PDE7B: variants seen among roughly 807,000 people sequenced by gnomAD.
PDE7B encodes the protein phosphodiesterase 7B, also known as 3',5'-cyclic-AMP phosphodiesterase 7B.
A neutral mutation model predicts 56.2 loss-of-function variants in PDE7B; 29 were observed. The observed-to-expected ratio is 0.52, with a 90% CI of 0.38 to 0.70. PDE7B has a LOEUF of 0.70. Among genes scored for constraint, PDE7B ranks in the 30% least tolerant of loss-of-function variants. PDE7B has a pLI of 0.00. For missense variants in PDE7B, 490 were observed against 565.0 expected, an observed-to-expected ratio of 0.87 and a Z score of 1.35; for synonymous variants, 197 against 196.9, an observed-to-expected ratio of 1.00 and a Z score of 0.00.
intron 2 of PDE7B, among the ~76,000 whole-genome samples, chr6:135,975,590 G>A (rs1219457870): frequency 6.9e-6 from 1 of 144,166 alleles, no homozygotes; most frequent in Non-Finnish European, 1.5e-5. Flanking sequence ...GCCTTGTAGA[G>A]CACTGCAGGG....
At chr6:135,953,482 G>A (rs1044839542) in intron 2 of PDE7B, among the ~76,000 whole-genome samples, 24 of 152,122 alleles carry the variant, frequency 1.6e-4, no homozygotes, top group Admixed American at 4.6e-4. Flanking sequence ...TGAATAATAA[G>A]CAATAATAAC....
In PDE7B at chr6:136,049,480, G is replaced by T. The variant is rs543993595; in HGVS notation, c.83-59251G>T. 8.6e-5 allele frequency: 13 copies of T among 151,990 alleles called. No homozygotes were observed. The East Asian group carries it at 1.2e-3, about 14-fold the overall frequency. The allele number at this position is 151,990 out of a possible 1,614,324, so 9.4% of individuals were successfully genotyped here. On this transcript the variant is annotated intron_variant, in intron 2 of 12. Coordinates refer to ENST00000308191, the MANE Select transcript of PDE7B (RefSeq NM_018945.4). ...TGAGAAAACATATAAGAAAAATATG[G>T]TTTTTTATGTATCTTATAATGTAGT...
intron 2 of PDE7B, among the ~76,000 whole-genome samples, chr6:136,011,297 G>T (rs989703321): frequency 6.6e-5 from 10 of 152,074 alleles, no homozygotes; most frequent in Admixed American, 6.5e-4. Flanking sequence ...AATACTCAAA[G>T]GTTCCCAAGA....
At chr6:136,184,094 C>CA (rs1393465102) in intron 11 of PDE7B, among the ~76,000 whole-genome samples, 1 of 152,136 alleles carries the variant, frequency 6.6e-6, no homozygotes, top group African/African-American at 2.4e-5. Flanking sequence ...TAATCCTCAA[C>CA]AAAACTGATT....
At chr6:135,901,539 G>T (rs898856678) in intron 1 of PDE7B, among the ~76,000 whole-genome samples, 2 of 151,970 alleles carry the variant, frequency 1.3e-5, no homozygotes, top group African/African-American at 2.4e-5. Flanking sequence ...ATGGAATTGG[G>T]GTACTCTCTT....
chr6:136,070,246 A>G (rs994988917), intron 2 of PDE7B: 3 of 152,304 alleles, frequency 2.0e-5, no homozygotes, highest in Admixed American at 2.0e-4. Context: ...CAACAGGAAC[A>G]GTGTAATTAA....
chr6:136,110,651 G>A (rs1236213548), intron 3 of PDE7B, among the ~76,000 whole-genome samples: 1 of 150,842 alleles, frequency 6.6e-6, no homozygotes, highest in Non-Finnish European at 1.5e-5. Flanking sequence ...TGCTAATGGT[G>A]GTTATGTTTG....
At chr6:135,987,269 AG>A (rs1416268056) in intron 2 of PDE7B, among the ~76,000 whole-genome samples, 2 of 152,124 alleles carry the variant, frequency 1.3e-5, no homozygotes, top group South Asian at 2.1e-4. Flanking sequence ...TCAGAGTCAC[AG>A]GGAATGTCTC....
chr6:135,969,105 C>T (rs11154837), intron 2 of PDE7B, among the ~76,000 whole-genome samples: 2,286 of 152,044 alleles, frequency 0.015, 22 homozygotes, highest in Non-Finnish European at 0.023. Context: ...ATGGACACAT[C>T]GAGGGGAACA....
intron 2 of PDE7B, chr6:136,037,971 A>AAAAAAATGC (rs1217408814): frequency 4.1e-5 from 50 of 1,222,476 alleles, no homozygotes; most frequent in Admixed American, 8.5e-5. Flanking sequence ...GAGGAGGGGA[A>AAAAAAATGC]AAAAAATGCA....
Position 136,173,812 on chromosome 6 carries a change from G to C in PDE7B, c.727G>C (p.Glu243Gln). 6.2e-7 allele frequency: 1 copy of C among 1,607,678 alleles called. No individual in the cohort carries two copies. The highest frequency in any genetic ancestry group is 8.5e-7 in the Non-Finnish European group (1 of 1,174,510). ...TTCTTTCTAGAATATGTCTGTGCTG[G>C]AGAATCATCACTGGCGATCTACAAT... ...ANLYQNMSVL[E>Q]NHHWRSTIGM... The change falls in exon 9 of 13, where the codon GAG becomes CAG. Residue 243 changes from glutamate to glutamine, a missense_variant. By Grantham distance (29) the Glu-to-Gln change is conservative. Transcript: ENST00000308191.
At chr6:135,874,155 T>A (rs73556511) in intron 1 of PDE7B, among the ~76,000 whole-genome samples, 2,576 of 152,256 alleles carry the variant, frequency 0.017, 37 homozygotes, top group South Asian at 0.048. Context: ...ACCATGCAGA[T>A]ACCTGGGGAA....
intron 2 of PDE7B, among the ~76,000 whole-genome samples, chr6:136,101,281 A>G (rs1353389075): frequency 6.6e-6 from 1 of 152,192 alleles, no homozygotes; most frequent in East Asian, 1.9e-4. Flanking sequence ...GGCCTCATAA[A>G]ATGAGTTAGA....
chr6:136,023,845 C>T (rs1475998374), intron 2 of PDE7B, among the ~76,000 whole-genome samples: 7 of 151,752 alleles, frequency 4.6e-5, no homozygotes, highest in Admixed American at 4.6e-4. Flanking sequence ...TTTTTTAGGC[C>T]ACAAAGACCT....
rs9389362 is a variant in PDE7B at position 136,030,272 on chromosome 6, A to T, written c.83-78459A>T. On this transcript the variant is annotated intron_variant, in intron 2 of 12. Transcript: ENST00000308191. ...ATATTTTTAATCATAGAAATCTGGTAATGTTCTAGACCCATGCTCTTAGTT... is the reference window on the plus strand; with the variant it reads ...ATATTTTTAATCATAGAAATCTGGTTATGTTCTAGACCCATGCTCTTAGTT... Among the ~76,000 whole-genome samples the T allele has an allele frequency of 3.5e-4, 54 of 152,334 alleles. 1 individual carries two copies. The East Asian group carries it at 9.6e-3, about 27-fold the overall frequency.
At chr6:135,956,661 T>A (rs906385798) in intron 2 of PDE7B, among the ~76,000 whole-genome samples, 1 of 152,030 alleles carries the variant, frequency 6.6e-6, no homozygotes, top group African/African-American at 2.4e-5. Context: ...GTGCCTATAG[T>A]CTCAGCTACT....
intron 8 of PDE7B, among the ~76,000 whole-genome samples, chr6:136,163,407 G>A (rs371349234): frequency 7.9e-5 from 12 of 152,316 alleles, no homozygotes; most frequent in East Asian, 3.9e-4. Flanking sequence ...GATGCAGGGC[G>A]CCATGTCCCA....
At chr6:135,965,843 G>A (rs1774988493) in intron 2 of PDE7B, among the ~76,000 whole-genome samples, 1 of 152,150 alleles carries the variant, frequency 6.6e-6, no homozygotes, top group African/African-American at 2.4e-5. Context: ...GAATTGAGGA[G>A]TCCTCATGAG....
chr6:135,872,108 A>G (rs1775393851), intron 1 of PDE7B, among the ~76,000 whole-genome samples: 1 of 152,226 alleles, frequency 6.6e-6, no homozygotes, highest in South Asian at 2.1e-4. Flanking sequence ...GTGAGTTGTC[A>G]AAAATGATCT....
Sources: allele counts gnomAD v4.1 joint callset (sites outside exome capture counted in the v4.1 genomes callset), GRCh38; gene constraint gnomAD v4.1.1; transcripts MANE v1.5; gene names NCBI Gene and HGNC (gene_info 2026-07-23, HGNC 2026-07-21).